The following ADGRB3 variants were observed in gnomAD, a reference collection of about 807,000 sequenced individuals.
The protein encoded by ADGRB3 is adhesion G protein-coupled receptor B3.
A neutral mutation model predicts 193.4 loss-of-function variants in ADGRB3; 37 were observed. The observed-to-expected ratio is 0.19, with a 90% confidence interval of 0.15 to 0.25. ADGRB3 has a LOEUF of 0.25. ADGRB3 is among the 10% of genes least tolerant of loss of function. ADGRB3 has a pLI of 1.00. For synonymous variants in ADGRB3, 690 were observed against 644.2 expected (o/e 1.07, Z -1.08); for missense variants, 1,637 against 1,852.9 (o/e 0.88, Z 2.14).
At chr6:69,185,850 G>T (rs1193028614) in intron 17 of ADGRB3, among the ~76,000 whole-genome samples, 1 of 152,022 alleles carries the variant, frequency 6.6e-6, no homozygotes, top group East Asian at 1.9e-4. Context: ...TAAGAATCTG[G>T]TATCTAATTC....
chr6:69,325,288 A>C (rs893947957), intron 21 of ADGRB3, among the ~76,000 whole-genome samples: 1 of 152,192 alleles, frequency 6.6e-6, no homozygotes, highest in African/African-American at 2.4e-5. Flanking sequence ...GCCTACACAC[A>C]GAAAAACAGT....
intron 20 of ADGRB3, among the ~76,000 whole-genome samples, chr6:69,261,194 C>T (rs12198653): frequency 0.14 from 21,522 of 152,024 alleles, 2,046 homozygotes; most frequent in Middle Eastern, 0.23. Flanking sequence ...TCTTAATGAG[C>T]GTTGCTGGGA....
chr6:69,035,993 G>T (rs1352601495), intron 13 of ADGRB3, among the ~76,000 whole-genome samples: 1 of 152,130 alleles, frequency 6.6e-6, no homozygotes, highest in African/African-American at 2.4e-5. Context: ...CATTTGAGAT[G>T]CCTGAAGAAA....
chr6:69,040,698 A>C (rs937061047), intron 13 of ADGRB3, among the ~76,000 whole-genome samples: 88 of 145,242 alleles, frequency 6.1e-4, no homozygotes, highest in African/African-American at 2.0e-3. Context: ...AAAAAAAAAA[A>C]AAAAAAAAAA....
chr6:68,848,192 A>G (rs993711581), intron 3 of ADGRB3, among the ~76,000 whole-genome samples: 1 of 152,120 alleles, frequency 6.6e-6, no homozygotes, highest in Non-Finnish European at 1.5e-5. Context: ...GTCACTTTTA[A>G]AAAAACAATG....
rs551065152 is a variant in ADGRB3 at position 69,297,118 on chromosome 6, GTT to G, written c.2815-27752_2815-27751del. Among the ~76,000 whole-genome samples, 328 of 152,204 alleles carry G rather than the reference GTT, an allele frequency of 2.2e-3. 4 individuals carry two copies. Among genetic ancestry groups the G allele is most frequent in the South Asian group, 2.5e-3 (12 of 4,820 alleles). ...CATCGATAATGGAAACTGCATAAGA[GTT>G]TGGTCAGCAACCTTTGGTGCTATGA... On this transcript the variant is annotated intron_variant, in intron 20 of 31. Transcript: ENST00000370598.
chr6:69,283,281 AAATG>A lies in ADGRB3; in HGVS notation c.2815-41588_2815-41585del, dbSNP rs1305341443. The stretch of plus-strand genomic sequence containing the variant: ...TGGGGAAGAGATTAGATTGTAATGA[AAATG>A]AAGTAAGACTGATATGCCCATGATA... On this transcript the variant is annotated intron_variant, in intron 20 of 31. Coordinates refer to ENST00000370598, the MANE Select transcript of ADGRB3 (RefSeq NM_001704.3). Among the ~76,000 whole-genome samples, 23 of 152,308 alleles carry A rather than the reference AAATG, an allele frequency of 1.5e-4. No individual in the cohort carries two copies. The South Asian group carries it at 4.4e-3, about 29-fold the overall frequency.
At chr6:68,984,160 G>T (rs1024578882) in intron 10 of ADGRB3, among the ~76,000 whole-genome samples, 1 of 152,092 alleles carries the variant, frequency 6.6e-6, no homozygotes, top group Non-Finnish European at 1.5e-5. Flanking sequence ...TGAGAAGAGG[G>T]ATGGTTTGAT....
chr6:68,825,869 C>T (rs1767834159), intron 3 of ADGRB3, among the ~76,000 whole-genome samples: 1 of 152,168 alleles, frequency 6.6e-6, no homozygotes, highest in Non-Finnish European at 1.5e-5. Flanking sequence ...AACCTTTTTC[C>T]TTTATAAATT....
In ADGRB3 at chr6:68,689,679, G is replaced by GT. The variant is rs200694812; in HGVS notation, c.757+50255dup. Among the ~76,000 whole-genome samples, 120 of 148,558 alleles carry GT rather than the reference G, an allele frequency of 8.1e-4. 1 individual carries two copies. The highest frequency in any genetic ancestry group is 4.5e-3 in the Admixed American group (67 of 14,870). ...CTGTTTTGTTTGTTTGTTTGTTTTTGTTTTTTTTATGATGAACCAAAAGAA... is the reference window on the plus strand; with the variant it reads ...CTGTTTTGTTTGTTTGTTTGTTTTTGTTTTTTTTTATGATGAACCAAAAGAA... On this transcript the variant is annotated intron_variant, in intron 3 of 31. Coordinates refer to ENST00000370598, the MANE Select transcript of ADGRB3 (RefSeq NM_001704.3).
chr6:69,041,075 T>A (rs558786183), intron 13 of ADGRB3, among the ~76,000 whole-genome samples: 27 of 152,302 alleles, frequency 1.8e-4, no homozygotes, highest in African/African-American at 6.0e-4. Flanking sequence ...GGCACTGTGG[T>A]CCTTGGAGAT....
At chr6:68,676,189 G>C (rs1769081043) in intron 3 of ADGRB3, among the ~76,000 whole-genome samples, 1 of 151,978 alleles carries the variant, frequency 6.6e-6, no homozygotes, top group Admixed American at 6.6e-5. Flanking sequence ...TCAGGAGATG[G>C]AGACCATCCT....
At chr6:69,337,084 G>A (rs10485250) in intron 24 of ADGRB3, among the ~76,000 whole-genome samples, 32,405 of 152,026 alleles carry the variant, frequency 0.21, 3,927 homozygotes, top group African/African-American at 0.32. Flanking sequence ...TTTTCAGACA[G>A]GCCCATACTT....
At chr6:68,663,641 C>A (rs1254182960) in intron 3 of ADGRB3, among the ~76,000 whole-genome samples, 2 of 151,788 alleles carry the variant, frequency 1.3e-5, no homozygotes, top group African/African-American at 2.4e-5. Flanking sequence ...TTTTTGCCTT[C>A]ATTCCTTAGG....
intron 5 of ADGRB3, among the ~76,000 whole-genome samples, chr6:68,939,502 G>A (rs904278103): frequency 6.6e-6 from 1 of 152,004 alleles, no homozygotes; most frequent in African/African-American, 2.4e-5. Context: ...CATTGTTTTA[G>A]TTCAGAATGT....
intron 3 of ADGRB3, among the ~76,000 whole-genome samples, chr6:68,815,461 A>T (rs1428211544): frequency 6.6e-6 from 1 of 152,140 alleles, no homozygotes; most frequent in East Asian, 1.9e-4. Context: ...ATTGAGTTAG[A>T]TTCTCTAGGA....
chr6:69,210,170 A>ATATG lies in ADGRB3; in HGVS notation c.2481-23120_2481-23119insTATG, dbSNP rs70987458. Among the ~76,000 whole-genome samples the ATATG allele has an allele frequency of 6.8e-4, 90 of 131,780 alleles. 4 individuals are homozygous for ATATG. Among genetic ancestry groups the ATATG allele is most frequent in the African/African-American group, 2.4e-3 (79 of 33,492 alleles). The allele number at this position is 131,780 out of a possible 152,430, so 86.5% of individuals were successfully genotyped here. ...ATATCATATATATATATATATATATAAAGGGGAGTTTATTAAATATTAACT... is the reference window on the plus strand; with the variant it reads ...ATATCATATATATATATATATATATATATGAAGGGGAGTTTATTAAATATTAACT... On this transcript the variant is annotated intron_variant, in intron 17 of 31. Coordinates refer to ENST00000370598, the MANE Select transcript of ADGRB3 (RefSeq NM_001704.3).
chr6:68,787,681 G>A (rs1475638392), intron 3 of ADGRB3, among the ~76,000 whole-genome samples: 1 of 152,122 alleles, frequency 6.6e-6, no homozygotes, highest in Non-Finnish European at 1.5e-5. Context: ...AATGAGTTAG[G>A]GAGGATTCCC....
At chr6:68,743,988 A>G (rs988586056) in intron 3 of ADGRB3, among the ~76,000 whole-genome samples, 1 of 152,038 alleles carries the variant, frequency 6.6e-6, no homozygotes, top group African/African-American at 2.4e-5. Context: ...CAATATATGT[A>G]TATATGTATA....
Sources: gnomAD v4.1 joint callset for allele counts (sites outside exome capture counted in the v4.1 genomes callset) on GRCh38, gnomAD v4.1.1 for gene constraint, MANE v1.5 for transcripts, NCBI Gene and HGNC (gene_info 2026-07-23, HGNC 2026-07-21) for gene names.